The following PPARD variants were observed in gnomAD, a reference collection of about 807,000 sequenced individuals.
PPARD encodes the protein peroxisome proliferator-activated receptor delta.
PPARD carries 6 observed loss-of-function variants against 39.5 expected under a neutral mutation model. The ratio of observed to expected loss-of-function variants is 0.15; its 90% CI spans 0.08 to 0.30. The LOEUF is 0.30. Among genes scored for constraint, PPARD ranks in the 10% least tolerant of loss-of-function variants. PPARD has a pLI of 1.00. For missense variants in PPARD, 397 were observed against 596.8 expected, an observed-to-expected ratio of 0.67 and a Z score of 3.49; for synonymous variants, 210 against 231.3, an observed-to-expected ratio of 0.91 and a Z score of 0.83.
rs199591963 is a variant in PPARD at position 35,425,019 on chromosome 6, T to C, written c.1078+240T>C. The C allele has an allele frequency of 1.0e-5, 14 of 1,354,272 alleles. No individual in the cohort carries two copies. The highest frequency in any genetic ancestry group is 1.1e-5 in the Non-Finnish European group (12 of 1,052,376). 83.9% of individuals were successfully genotyped at this position (1,354,272 alleles called of 1,614,324 possible). A position where few individuals can be genotyped will look rare whatever the true frequency, so the allele number is the denominator to read the frequency against. ...CAGACGTGGTGGCTCACACCTGTAA[T>C]CCCAGCACTTTGGCAGGCCGAGGCG... is the stretch of plus-strand genomic sequence containing the variant. On this transcript the variant is annotated intron_variant, in intron 7 of 7. Transcript: ENST00000360694. The surrounding 1 kb of genome is among the most constrained non-coding windows in gnomAD (Gnocchi z 4.5).
At chr6:35,370,870 G>A (rs769154196) in intron 2 of PPARD, among the ~76,000 whole-genome samples, 3 of 152,104 alleles carry the variant, frequency 2.0e-5, no homozygotes, top group East Asian at 3.8e-4. Flanking sequence ...GAGCTCACAC[G>A]AGCCCCATGG....
chr6:35,371,371 C>T (rs376446867), intron 2 of PPARD, among the ~76,000 whole-genome samples: 34 of 152,186 alleles, frequency 2.2e-4, no homozygotes, highest in African/African-American at 5.1e-4. Flanking sequence ...TCTCCCTCCA[C>T]GCGCTTGTCC....
chr6:35,356,538 G>T (rs1761623444), intron 2 of PPARD, among the ~76,000 whole-genome samples: 1 of 152,158 alleles, frequency 6.6e-6, no homozygotes, highest in South Asian at 2.1e-4. Context: ...TTGCCTCCTA[G>T]TTCCTGTTCC....
chr6:35,360,329 G>T (rs1303914099), intron 2 of PPARD, among the ~76,000 whole-genome samples: 2 of 152,158 alleles, frequency 1.3e-5, no homozygotes, highest in Admixed American at 6.5e-5. Context: ...GCCCAGATGT[G>T]CACATAGGGA....
intron 2 of PPARD, among the ~76,000 whole-genome samples, chr6:35,351,300 C>T (rs766130196): frequency 7.2e-5 from 11 of 152,170 alleles, no homozygotes; most frequent in Non-Finnish European, 1.5e-4. Context: ...GCTGGGATTA[C>T]AGATGTGAGC....
chr6:35,395,071 T>TC (rs1764239820), intron 2 of PPARD, among the ~76,000 whole-genome samples: 2 of 151,986 alleles, frequency 1.3e-5, no homozygotes, highest in African/African-American at 4.8e-5. Context: ...GTAGCCCACT[T>TC]GCTGTCTTCG....
rs116014897 is a variant in PPARD, at chr6:35,398,583, A to G, written c.-101-12404A>G. Reference sequence around the variant, plus strand: ...GGCACAAGCTGGCATAAGATCAGAAAGAGATGGAGCGTAGATGGAGAATGA... The same window carrying G: ...GGCACAAGCTGGCATAAGATCAGAAGGAGATGGAGCGTAGATGGAGAATGA... On this transcript the variant is annotated intron_variant, in intron 2 of 7. Transcript: ENST00000360694. Among the ~76,000 whole-genome samples, 1,061 of 152,318 alleles carry G rather than the reference A, an allele frequency of 7.0e-3. 9 individuals carry two copies. Among genetic ancestry groups the G allele is most frequent in the South Asian group, 0.018 (87 of 4,824 alleles).
chr6:35,425,820 G>C lies in PPARD; in HGVS notation c.1079-12G>C. The C allele has an allele frequency of 6.2e-7, 1 of 1,613,398 alleles. No individual in the cohort carries two copies. Among genetic ancestry groups the C allele is most frequent in the Non-Finnish European group, 8.5e-7 (1 of 1,179,806 alleles). ...CTTTCTGAGCTCCCTGGCGTGCCCTGTGTCCCCACAGACCGGCCAGGCCTC... is the reference window on the plus strand; with the variant it reads ...CTTTCTGAGCTCCCTGGCGTGCCCTCTGTCCCCACAGACCGGCCAGGCCTC... On this transcript the variant is annotated splice_polypyrimidine_tract_variant and intron_variant, in intron 7 of 7. Transcript: ENST00000360694. This position sits in a 1 kb window ranked among gnomAD's most constrained non-coding sequence, Gnocchi z 4.5.
chr6:35,368,457 A>G (rs1313974045), intron 2 of PPARD, among the ~76,000 whole-genome samples: 1 of 152,090 alleles, frequency 6.6e-6, no homozygotes, highest in Non-Finnish European at 1.5e-5. Flanking sequence ...TTCACCAGGG[A>G]GTTTTGGGGA....
intron 3 of PPARD, among the ~76,000 whole-genome samples, chr6:35,419,445 C>G (rs1251529361): frequency 6.6e-6 from 1 of 152,118 alleles, no homozygotes; most frequent in Non-Finnish European, 1.5e-5. Flanking sequence ...CACTCAACAC[C>G]CCGTGGTTCA....
At chr6:35,397,725 T>A in intron 2 of PPARD, 1 of 179,662 alleles carries the variant, frequency 5.6e-6, no homozygotes, top group Non-Finnish European at 1.1e-5. Context: ...AGACAAGCAC[T>A]AAACAAATAA....
At chr6:35,417,879 C>T (rs1183940847) in intron 3 of PPARD, among the ~76,000 whole-genome samples, 1 of 152,232 alleles carries the variant, frequency 6.6e-6, no homozygotes, top group Non-Finnish European at 1.5e-5. Context: ...GAGTCTAGGT[C>T]CTGTCCTGCA....
At chr6:35,390,283 T>C (rs1044830520) in intron 2 of PPARD, among the ~76,000 whole-genome samples, 2 of 152,242 alleles carry the variant, frequency 1.3e-5, no homozygotes, top group African/African-American at 2.4e-5. Context: ...TTTGTATACT[T>C]ACCTCTTCAA....
intron 2 of PPARD, among the ~76,000 whole-genome samples, chr6:35,354,290 CT>C (rs112620479): frequency 0.057 from 7,953 of 140,760 alleles, 571 homozygotes; most frequent in African/African-American, 0.16. Context: ...TCCTTTAGTA[CT>C]CATACAACCA....
chr6:35,419,963 T>C (rs7762809), intron 3 of PPARD, among the ~76,000 whole-genome samples, 164 bp from the exon 4 acceptor site: 5,302 of 152,296 alleles, frequency 0.035, 190 homozygotes, highest in African/African-American at 0.092. Context: ...AGAGAAGCTG[T>C]CAGTACCCCC....
intron 2 of PPARD, among the ~76,000 whole-genome samples, chr6:35,391,114 A>G (rs1222816744): frequency 6.6e-6 from 1 of 152,260 alleles, no homozygotes; most frequent in African/African-American, 2.4e-5. Flanking sequence ...TATATATTTC[A>G]TTAGCATGTA....
Position 35,424,080 on chromosome 6 carries a change from C to T in PPARD, c.559C>T (p.Leu187=). The T allele has an allele frequency of 6.2e-7, 1 of 1,614,108 alleles. No individual in the cohort carries two copies. Among genetic ancestry groups the T allele is most frequent in the Non-Finnish European group, 8.5e-7 (1 of 1,180,048 alleles). Residue 187 remains leucine (L), a synonymous_variant, in exon 6 of 8, where the codon CTG becomes TTG. Coordinates refer to ENST00000360694, the MANE Select transcript of PPARD (RefSeq NM_006238.5). The surrounding 1 kb of genome is among the most constrained non-coding windows in gnomAD (Gnocchi z 7.1). ...AFSKHIYNAY[L]KNFNMTKKKA... ...CTCCAAGCACATCTACAATGCCTAC[C>T]TGAAAAACTTCAACATGACCAAAAA... is the stretch of plus-strand genomic sequence containing the variant.
rs187350174 is a variant in PPARD at position 35,412,318 on chromosome 6, C to T, written c.130+1101C>T. 6.6e-6 allele frequency among the ~76,000 whole-genome samples: 1 copy of T among 152,322 alleles called. No individual in the cohort carries two copies. The highest frequency in any genetic ancestry group is 1.9e-4 in the East Asian group (1 of 5,188). The stretch of plus-strand genomic sequence containing the variant: ...CACATGCAGCTCATCCTCGCTCCTC[C>T]CCTTAGAGGGAACTCAGGGTCATAA... On this transcript the variant is annotated intron_variant, in intron 3 of 7. Transcript: ENST00000360694. The surrounding 1 kb of genome is among the most constrained non-coding windows in gnomAD (Gnocchi z 4.1).
chr6:35,359,993 C>T (rs1761842920), intron 2 of PPARD, among the ~76,000 whole-genome samples: 1 of 152,114 alleles, frequency 6.6e-6, no homozygotes, highest in African/African-American at 2.4e-5. Flanking sequence ...TGGAAAGTAC[C>T]TGCTTGACTG....
Sources: allele counts gnomAD v4.1 joint callset (sites outside exome capture counted in the v4.1 genomes callset), GRCh38; gene constraint gnomAD v4.1.1; non-coding constraint Gnocchi (gnomAD v3.1); transcripts MANE v1.5; gene names NCBI Gene and HGNC (gene_info 2026-07-23, HGNC 2026-07-21).